The following CAPSL variants were observed in gnomAD, a reference collection of about 807,000 sequenced individuals.
The protein encoded by CAPSL is calcyphosin-like protein.
CAPSL carries 17 observed loss-of-function variants against 21.3 expected under a neutral mutation model. That is an observed-to-expected ratio of 0.80 (90% CI 0.55 to 1.20). The LOEUF is 1.20. Ranked by LOEUF, CAPSL falls within the 50% of genes most tolerant of loss-of-function variation. The pLI is 0.00. For synonymous variants in CAPSL, 102 were observed against 89.3 expected, an observed-to-expected ratio of 1.14 and a Z score of -0.80; for missense variants, 289 against 259.3, an observed-to-expected ratio of 1.11 and a Z score of -0.79.
chr5:35,921,826 C>T (rs1215962257), intron 1 of CAPSL, among the ~76,000 whole-genome samples: 2 of 151,790 alleles, frequency 1.3e-5, no homozygotes, highest in Non-Finnish European at 2.9e-5. Context: ...CTCCCCCAAC[C>T]CCTCACCCCC....
intron 1 of CAPSL, among the ~76,000 whole-genome samples, chr5:35,925,403 G>A (rs1259385096): frequency 6.6e-6 from 1 of 152,132 alleles, no homozygotes; most frequent in African/African-American, 2.4e-5. Flanking sequence ...TAGATAGCAG[G>A]TGTACCAACT....
At chr5:35,934,971 T>C (rs1580899474) in intron 1 of CAPSL, among the ~76,000 whole-genome samples, 1 of 152,172 alleles carries the variant, frequency 6.6e-6, no homozygotes, top group South Asian at 2.1e-4. Context: ...AAAGCACCTC[T>C]TACCCCAAAT....
chr5:35,932,789 G>T (rs1205882045), intron 1 of CAPSL, among the ~76,000 whole-genome samples: 1 of 152,180 alleles, frequency 6.6e-6, no homozygotes, highest in Non-Finnish European at 1.5e-5. Context: ...ACTAAGGAAA[G>T]CCCTAAGGGC....
At chr5:35,923,545 T>C (rs1282699195) in intron 1 of CAPSL, among the ~76,000 whole-genome samples, 1 of 152,184 alleles carries the variant, frequency 6.6e-6, no homozygotes, top group African/African-American at 2.4e-5. Flanking sequence ...GGTATAGCCA[T>C]ACAGTGAAAC....
intron 4 of CAPSL, among the ~76,000 whole-genome samples, chr5:35,906,662 G>A (rs1760685737): frequency 6.6e-6 from 1 of 152,090 alleles, no homozygotes; most frequent in South Asian, 2.1e-4. Flanking sequence ...GTATTCCAGT[G>A]TATAATAAGA....
chr5:35,937,180 C>T (rs944190899), intron 1 of CAPSL, among the ~76,000 whole-genome samples: 2 of 152,178 alleles, frequency 1.3e-5, no homozygotes, highest in African/African-American at 4.8e-5. Flanking sequence ...GTTTCCTGCC[C>T]CTAGCTTTGC....
chr5:35,904,663 A>C lies in CAPSL; in HGVS notation c.526-17T>G. The C allele has an allele frequency of 6.2e-7, 1 of 1,610,820 alleles. No individual in the cohort carries two copies. The highest frequency in any genetic ancestry group is 1.1e-5 in the South Asian group (1 of 90,094). On this transcript the variant is annotated splice_polypyrimidine_tract_variant and intron_variant, in intron 4 of 4. Transcript: ENST00000651391. ...AGGGGTCACCTGCAGTGGAAAAGTT[A>C]GAAACAAAAACGAAACTTTGCTTCT... is the stretch of plus-strand genomic sequence containing the variant.
intron 1 of CAPSL, among the ~76,000 whole-genome samples, chr5:35,927,239 G>A (rs1738708719): frequency 6.6e-6 from 1 of 152,138 alleles, no homozygotes; most frequent in Admixed American, 6.5e-5. Context: ...AACAGCAGCC[G>A]TCTGCAGTCC....
intron 1 of CAPSL, among the ~76,000 whole-genome samples, chr5:35,933,685 G>A (rs148287178): frequency 6.6e-6 from 1 of 152,244 alleles, no homozygotes; most frequent in African/African-American, 2.4e-5. Flanking sequence ...AAGCTAGAGG[G>A]GTAACTGCAG....
At chr5:35,919,755 G>C (rs1019213658) in intron 2 of CAPSL, among the ~76,000 whole-genome samples, 11 of 152,218 alleles carry the variant, frequency 7.2e-5, no homozygotes, top group African/African-American at 1.7e-4. Flanking sequence ...GCCAAGGCCA[G>C]TAAGTGAGGC....
chr5:35,926,961 G>C (rs1198039179), intron 1 of CAPSL, among the ~76,000 whole-genome samples: 1 of 152,226 alleles, frequency 6.6e-6, no homozygotes, highest in Non-Finnish European at 1.5e-5. Context: ...ATGAACTTAA[G>C]AGAAGAGCAG....
intron 1 of CAPSL, among the ~76,000 whole-genome samples, chr5:35,932,139 A>G (rs1222327063): frequency 6.6e-6 from 1 of 152,180 alleles, no homozygotes; most frequent in Admixed American, 6.5e-5. Context: ...CTTCCAGAAA[A>G]CCAAAAAGTG....
Position 35,909,879 on chromosome 5 carries a change from T to A in CAPSL, c.512A>T (p.Asp171Val). The A allele has an allele frequency of 1.2e-6, 2 of 1,612,396 alleles. No homozygotes were observed. The highest frequency in any genetic ancestry group is 1.7e-6 in the Non-Finnish European group (2 of 1,179,570). ...KFLDNFDSPY[D>V]KDGLVTPEEF... ...TCTTTTACTTACCAATCCATCTTTGTCATAGGGTGAATCAAAGTTATCCAG... is the reference window on the plus strand; with the variant it reads ...TCTTTTACTTACCAATCCATCTTTGACATAGGGTGAATCAAAGTTATCCAG... The change falls in exon 4 of 5, where the codon GAC (aspartate) becomes GTC (valine). Residue 171 changes from aspartate (D) to valine (V), a missense_variant. Physicochemically the swap from Asp to Val is radical, Grantham distance 152. Transcript: ENST00000651391.
rs369218282 is a variant in CAPSL at position 35,913,022 on chromosome 5, C to T, written c.138-2479G>A. Among the ~76,000 whole-genome samples, 31 of 152,112 alleles carry T rather than the reference C, an allele frequency of 2.0e-4. 1 individual carries two copies. The highest frequency in any genetic ancestry group is 2.9e-5 in the Non-Finnish European group (2 of 68,030). On this transcript the variant is annotated intron_variant, in intron 2 of 4. Coordinates refer to ENST00000651391, the MANE Select transcript of CAPSL (RefSeq NM_001042625.2). ...GCAGAGAAGTCCTTAAAGGACCTGACGGAGCTGAAAACCATGACAAGAGAA... is the reference window on the plus strand; with the variant it reads ...GCAGAGAAGTCCTTAAAGGACCTGATGGAGCTGAAAACCATGACAAGAGAA...
At chr5:35,920,784 T>C (rs1019075543) in intron 2 of CAPSL, among the ~76,000 whole-genome samples, 200 bp downstream of exon 2, 3 of 152,202 alleles carry the variant, frequency 2.0e-5, no homozygotes, top group Admixed American at 6.5e-5. Flanking sequence ...GATATGAGTC[T>C]TGCCGAATCT....
At chr5:35,917,621 A>C (rs1201913375) in intron 2 of CAPSL, among the ~76,000 whole-genome samples, 1 of 152,162 alleles carries the variant, frequency 6.6e-6, no homozygotes, top group African/African-American at 2.4e-5. Flanking sequence ...CAAGGACAAA[A>C]AACCAAACAC....
At chr5:35,909,336 C>T (rs181104111) in intron 4 of CAPSL, among the ~76,000 whole-genome samples, 101 of 152,234 alleles carry the variant, frequency 6.6e-4, no homozygotes, top group Middle Eastern at 3.4e-3. Context: ...TGTTATTTGA[C>T]ATTCCCTTTA....
At chr5:35,916,365 T>C (rs1321497489) in intron 2 of CAPSL, among the ~76,000 whole-genome samples, 1 of 152,054 alleles carries the variant, frequency 6.6e-6, no homozygotes, top group Non-Finnish European at 1.5e-5. Flanking sequence ...AAAAACTACT[T>C]TAAAGTTCAT....
At chr5:35,920,250 T>C (rs1738501498) in intron 2 of CAPSL, among the ~76,000 whole-genome samples, 1 of 152,156 alleles carries the variant, frequency 6.6e-6, no homozygotes. Flanking sequence ...CTCACACCAC[T>C]GAGATGCCAT....
Sources: gnomAD v4.1 joint callset for allele counts (sites outside exome capture counted in the v4.1 genomes callset) on GRCh38, gnomAD v4.1.1 for gene constraint, MANE v1.5 for transcripts, NCBI Gene and HGNC (gene_info 2026-07-23, HGNC 2026-07-21) for gene names.